The following SPTBN5 variants were observed in gnomAD, a reference collection of about 807,000 sequenced individuals.
SPTBN5 encodes spectrin beta chain, non-erythrocytic 5.
A neutral mutation model predicts 477.6 loss-of-function variants in SPTBN5; 513 were observed. That is an observed-to-expected ratio of 1.07 (90% CI 1.00 to 1.16). The LOEUF (loss-of-function observed/expected upper bound fraction) is 1.16, where lower values mean the gene tolerates loss of function less well. SPTBN5 is among the 50% of genes most tolerant of loss of function. The pLI is 0.00. For synonymous variants in SPTBN5, 2,169 were observed against 2,011.7 expected (o/e 1.08, Z -2.09); for missense variants, 5,062 against 4,731.8 (o/e 1.07, Z -2.05).
At position 41,883,077 on chromosome 15, in the gene SPTBN5, C is replaced by T. The variant is rs750176863; in HGVS notation, c.1811G>A (p.Gly604Asp). The T allele has an allele frequency of 1.6e-5, 26 of 1,594,482 alleles. No individual in the cohort carries two copies. Among genetic ancestry groups the T allele is most frequent in the Non-Finnish European group, 2.0e-5 (24 of 1,170,944 alleles). The change falls in exon 9 of 68, where the codon GGC (glycine) becomes GAC (aspartate). Residue 604 changes from glycine to aspartate, a missense_variant. Coordinates refer to ENST00000320955, the MANE Select transcript of SPTBN5 (RefSeq NM_016642.4). Reference protein sequence around the residue: ...QQTAELDSSLGTSVEVLQAKA... With the variant: ...QQTAELDSSLDTSVEVLQAKA... ...GGCCTGCAGCACCTCCACACTGGTG[C>T]CCAGGGAGGAGTCCAGCTCTGCTGT...
intron 18 of SPTBN5, 68 bp from the exon 19 acceptor site, chr15:41,877,016 C>A: frequency 1.9e-6 from 3 of 1,586,586 alleles, no homozygotes; most frequent in Non-Finnish European, 1.7e-6. Context: ...CCCGCCACTG[C>A]CCCAGGGGCC....
In SPTBN5 at chr15:41,873,998, C is replaced by G. The variant is rs1362327050; in HGVS notation, c.4737G>C (p.Val1579=). Residue 1579 remains valine, a synonymous_variant, in exon 25 of 68, where the codon GTG becomes GTC. Coordinates refer to ENST00000320955, the MANE Select transcript of SPTBN5 (RefSeq NM_016642.4). ...CTGCCAGGCTCCGCCCAGAACTCAGCACCCGTTGCACCTGCCCCTGGTGAG... is the reference window on the plus strand; with the variant it reads ...CTGCCAGGCTCCGCCCAGAACTCAGGACCCGTTGCACCTGCCCCTGGTGAG... ...VKAHQGQVQR[V]LSSGRSLAAS... is the part of the protein sequence containing the mutation. 1.9e-6 allele frequency: 3 copies of G among 1,603,122 alleles called. No individual in the cohort carries two copies. The highest frequency in any genetic ancestry group is 2.2e-5 in the East Asian group (1 of 44,884).
At chr15:41,867,154 C>T (rs1187342469) in intron 35 of SPTBN5, 28 bp from the exon 36 acceptor site, 3 of 1,508,800 alleles carry the variant, frequency 2.0e-6, no homozygotes, top group Admixed American at 4.1e-5. Context: ...AGCTGCTGCT[C>T]TCCCACCCTG....
intron 26 of SPTBN5, 136 bp downstream of exon 26, chr15:41,873,356 G>A: frequency 3.0e-6 from 2 of 675,796 alleles, no homozygotes; most frequent in East Asian, 5.5e-5. Flanking sequence ...TGGGTGGGAA[G>A]TGGGGATGGG....
rs1253368902 is a variant in SPTBN5, at chr15:41,866,557, CT to C, written c.6481-65del. The C allele has an allele frequency of 9.0e-6, 13 of 1,445,356 alleles. No individual in the cohort carries two copies. The Admixed American group carries it at 3.0e-4, about 33-fold the overall frequency. 89.5% of individuals were successfully genotyped at this position (1,445,356 alleles called of 1,614,324 possible). The stretch of plus-strand genomic sequence containing the variant: ...GCCTCAGGCCCCAGACGCCACAGGC[CT>C]AGCCCCCAGCCATTCCCAGGAGGCT... On this transcript the variant is annotated intron_variant, in intron 36 of 67. Coordinates refer to ENST00000320955, the MANE Select transcript of SPTBN5 (RefSeq NM_016642.4).
At chr15:41,857,151 AAGTG>A (rs1447070993) in intron 51 of SPTBN5, 83 bp downstream of exon 51, 4 of 1,515,790 alleles carry the variant, frequency 2.6e-6, no homozygotes, top group Non-Finnish European at 3.5e-6. Flanking sequence ...CAAGGGGAGA[AAGTG>A]AGAAGACATC....
chr15:41,850,109 G>A lies in SPTBN5; in HGVS notation c.10922-150C>T, dbSNP rs565010963. The A allele has an allele frequency of 4.5e-5, 30 of 673,928 alleles. 1 individual carries two copies. Among genetic ancestry groups the A allele is most frequent in the African/African-American group, 2.2e-4 (12 of 55,800 alleles). The allele number at this position is 673,928 out of a possible 1,614,324, so 41.7% of individuals were successfully genotyped here. ...CCCTTCCCACGTGGGGGTGTGGGGC[G>A]GGCTGAGCACTTGTGGGCAGGTTTT... On this transcript the variant is annotated intron_variant, in intron 66 of 67. Transcript: ENST00000320955.
Position 41,874,855 on chromosome 15 carries a change from T to C in SPTBN5, c.4489A>G (p.Lys1497Glu), listed in dbSNP as rs1331249894. 6.2e-7 allele frequency: 1 copy of C among 1,606,524 alleles called. No individual in the cohort carries two copies. Among genetic ancestry groups the C allele is most frequent in the East Asian group, 2.2e-5 (1 of 44,618 alleles). The change falls in exon 23 of 68, where the codon AAG becomes GAG. Residue 1497 changes from lysine (K) to glutamate (E), a missense_variant. Transcript: ENST00000320955. The stretch of plus-strand genomic sequence containing the variant: ...GACAGACCCCACCTCCGGAGGTGCT[T>C]CTGGGTCTCTTCCAGGATGGCCGGG... Reference protein sequence around the residue: ...ASPAILEETQKHLRRLELLQG... With the variant: ...ASPAILEETQEHLRRLELLQG...
rs558117586 is a variant in SPTBN5, at chr15:41,879,385, C to G, written c.3057G>C (p.Val1019=). 9 of 1,610,638 alleles carry G rather than the reference C, an allele frequency of 5.6e-6. No homozygotes were observed. The highest frequency in any genetic ancestry group is 1.7e-4 in the Middle Eastern group (1 of 5,892). ...GCTGCAGGGCCTCCAGCTGGAGGAGCACGTCTCGCAGCTGGACCTGTGTGG... is the reference window on the plus strand; with the variant it reads ...GCTGCAGGGCCTCCAGCTGGAGGAGGACGTCTCGCAGCTGGACCTGTGTGG... ...CGPTQVQLRD[V]LLQLEALQPG... The change falls in exon 16 of 68, where the codon GTG becomes GTC. Residue 1019 remains valine (V), a synonymous_variant. Coordinates refer to ENST00000320955, the MANE Select transcript of SPTBN5 (RefSeq NM_016642.4).
chr15:41,859,345 G>A lies in SPTBN5; in HGVS notation c.7989-365C>T, dbSNP rs139641592. ...AGCTAAATTTTGTATTTTTAGTAGA[G>A]GCAGGGTTTCCCCATGTTGGCCAGA... On this transcript the variant is annotated intron_variant, in intron 47 of 67. Coordinates refer to ENST00000320955, the MANE Select transcript of SPTBN5 (RefSeq NM_016642.4). Among the ~76,000 whole-genome samples, 553 of 152,216 alleles carry A rather than the reference G, an allele frequency of 3.6e-3. 4 individuals are homozygous for A. The highest frequency in any genetic ancestry group is 0.013 in the African/African-American group (530 of 41,518).
Position 41,848,527 on chromosome 15 carries a change from C to G in SPTBN5, c.*89G>C. The G allele has an allele frequency of 6.7e-7, 1 of 1,499,370 alleles. No individual in the cohort carries two copies. The highest frequency in any genetic ancestry group is 1.1e-5 in the South Asian group (1 of 88,806). The allele number at this position is 1,499,370 out of a possible 1,614,324, so 92.9% of individuals were successfully genotyped here. A position where few individuals can be genotyped will look rare whatever the true frequency, so the allele number is the denominator to read the frequency against. On this transcript the variant is annotated 3_prime_UTR_variant, in exon 68 of 68. Transcript: ENST00000320955. The stretch of plus-strand genomic sequence containing the variant: ...GGGTTGAAGCAGCCACGGGAAGGAG[C>G]CCTTTTGCCTGTAGCTGAGTCTTAT...
At position 41,862,921 on chromosome 15, in the gene SPTBN5, C is replaced by A. The variant is rs1195861477; in HGVS notation, c.7150-18G>T. The A allele has an allele frequency of 1.6e-5, 25 of 1,556,628 alleles. No individual in the cohort carries two copies. The highest frequency in any genetic ancestry group is 2.1e-5 in the Non-Finnish European group (24 of 1,150,816). ...AGGGCTTCCTGGAGGAGGGGCACGG[C>A]CAGTTACCTGCTGGGCCTTTGCTTC... On this transcript the variant is annotated intron_variant, in intron 41 of 67. Coordinates refer to ENST00000320955, the MANE Select transcript of SPTBN5 (RefSeq NM_016642.4).
rs760213187 is a variant in SPTBN5 at position 41,856,837 on chromosome 15, C to T, written c.8808+16G>A. The T allele has an allele frequency of 1.3e-6, 2 of 1,535,982 alleles. No homozygotes were observed. The highest frequency in any genetic ancestry group is 1.8e-6 in the Non-Finnish European group (2 of 1,136,170). ...TGCTCATGTGCGAGGCCAGCCCTCC[C>T]CGGGTGGGCCCACACCTGGTGCTGC... On this transcript the variant is annotated intron_variant, in intron 52 of 67. Transcript: ENST00000320955.
At chr15:41,854,651 A>T in intron 56 of SPTBN5, 131 bp downstream of exon 56, 1 of 746,800 alleles carries the variant, frequency 1.3e-6, no homozygotes, top group Non-Finnish European at 2.1e-6. Flanking sequence ...CAGGTGAGGG[A>T]AAAGGCACAT....
rs577560064 is a variant in SPTBN5 at position 41,851,747 on chromosome 15, G to A, written c.10656+32C>T. On this transcript the variant is annotated intron_variant, in intron 63 of 67. Coordinates refer to ENST00000320955, the MANE Select transcript of SPTBN5 (RefSeq NM_016642.4). Reference sequence around the variant, plus strand: ...ACTCAAGTGCTGCTGCAAGTGGGGAGCTGCCTGGAGAAGGAATCTCCAGGC... The same window carrying A: ...ACTCAAGTGCTGCTGCAAGTGGGGAACTGCCTGGAGAAGGAATCTCCAGGC... 7 of 1,561,708 alleles carry A rather than the reference G, an allele frequency of 4.5e-6. No homozygotes were observed. In the East Asian group the frequency reaches 1.3e-4, roughly 30 times the overall value.
In SPTBN5 at chr15:41,880,172, C is replaced by T; in HGVS notation, c.2799G>A (p.Gln933=). ...QPQADTLEVM[Q]LKYENFLTAL... is the part of the protein sequence containing the mutation. ...CCCAGGGCTGTACCTCATATTTGAG[C>T]TGCATGACCTCCAGGGTGTCAGCCT... is the stretch of plus-strand genomic sequence containing the variant. Residue 933 remains glutamine, a synonymous_variant, in exon 14 of 68, where the codon CAG becomes CAA. Coordinates refer to ENST00000320955, the MANE Select transcript of SPTBN5 (RefSeq NM_016642.4). 1 of 1,600,074 alleles carries T rather than the reference C, an allele frequency of 6.2e-7. No individual in the cohort carries two copies. The highest frequency in any genetic ancestry group is 8.5e-7 in the Non-Finnish European group (1 of 1,174,230).
At chr15:41,873,711 G>A in intron 25 of SPTBN5, 103 bp from the exon 26 acceptor site, 1 of 1,449,750 alleles carries the variant, frequency 6.9e-7, no homozygotes, top group East Asian at 2.4e-5. Flanking sequence ...GGGCTTCTGT[G>A]CCCATAGGGG....
chr15:41,854,879 C>T lies in SPTBN5; in HGVS notation c.9521G>A (p.Arg3174Gln), dbSNP rs771072714. The change falls in exon 56 of 68, where the codon CGG (arginine) becomes CAG (glutamine). Residue 3174 changes from arginine (R) to glutamine (Q), a missense_variant. By Grantham distance (43) the Arg-to-Gln change is conservative. Transcript: ENST00000320955. ...ALRKLAGTLE[R>Q]GAPRRYPHIQ... The stretch of plus-strand genomic sequence containing the variant: ...GTGGGGATAGCGCCTGGGTGCACCC[C>T]GCTCCAGGGTGCCTGCCAACTTCCT... 62 of 1,609,472 alleles carry T rather than the reference C, an allele frequency of 3.9e-5. No individual in the cohort carries two copies. Among genetic ancestry groups the T allele is most frequent in the Admixed American group, 1.8e-4 (11 of 59,536 alleles).
At chr15:41,892,711 CAG>C in intron 3 of SPTBN5, 181 bp downstream of exon 3, 1 of 630,274 alleles carries the variant, frequency 1.6e-6, no homozygotes, top group Non-Finnish European at 2.6e-6. Flanking sequence ...CTCTCCAAGT[CAG>C]GGGTGCTGTG....
Sources: allele counts gnomAD v4.1 joint callset (sites outside exome capture counted in the v4.1 genomes callset), GRCh38; gene constraint gnomAD v4.1.1; transcripts MANE v1.5; gene names NCBI Gene and HGNC (gene_info 2026-07-23, HGNC 2026-07-21).